The following MAF variants were observed in gnomAD, a reference collection of about 807,000 sequenced individuals.
MAF encodes MAF bZIP transcription factor.
A neutral mutation model predicts 22.0 loss-of-function variants in MAF; 10 were observed. That is an observed-to-expected ratio of 0.45 (90% CI 0.28 to 0.77). MAF has a LOEUF of 0.77. Among genes scored for constraint, MAF ranks in the 30% least tolerant of loss-of-function variants. MAF has a pLI of 0.12. For missense variants in MAF, 544 were observed against 548.4 expected, an observed-to-expected ratio of 0.99 and a Z score of 0.08; for synonymous variants, 337 against 255.8, an observed-to-expected ratio of 1.32 and a Z score of -3.03.
chr16:79,406,519 G>A, the MAF span, among the ~76,000 whole-genome samples: 1 of 152,106 alleles, frequency 6.6e-6, no homozygotes, highest in Non-Finnish European at 1.5e-5. Flanking sequence ...GTTCTCACAG[G>A]GTGGAAGGAG....
At chr16:79,470,607 G>C in the MAF span, among the ~76,000 whole-genome samples, 1 of 152,190 alleles carries the variant, frequency 6.6e-6, no homozygotes, top group Admixed American at 6.5e-5. Context: ...AGTTCTCATA[G>C]CAACCCAGTG....
chr16:79,414,485 G>A, the MAF span, among the ~76,000 whole-genome samples: 1 of 152,182 alleles, frequency 6.6e-6, no homozygotes, highest in Non-Finnish European at 1.5e-5. Context: ...AGGGCACAAA[G>A]CCATTCATGA....
chr16:79,529,088 A>G, the MAF span, among the ~76,000 whole-genome samples: 1 of 152,190 alleles, frequency 6.6e-6, no homozygotes, highest in East Asian at 1.9e-4. Context: ...TCCCACCTGA[A>G]CATAAAACTA....
the MAF span, among the ~76,000 whole-genome samples, chr16:79,442,412 C>T: frequency 1.3e-5 from 2 of 152,106 alleles, no homozygotes; most frequent in Non-Finnish European, 2.9e-5. Context: ...CCCTCTGTTG[C>T]CCAGGCTGGA....
At chr16:79,263,262 G>A in the MAF span, among the ~76,000 whole-genome samples, 9 of 152,258 alleles carry the variant, frequency 5.9e-5, no homozygotes, top group Middle Eastern at 6.8e-3. Context: ...ACTTTCTCAC[G>A]TTAGTCTTCA....
At chr16:79,228,578 T>G in the MAF span, among the ~76,000 whole-genome samples, 1 of 152,062 alleles carries the variant, frequency 6.6e-6, no homozygotes, top group Non-Finnish European at 1.5e-5. Context: ...CCTGCCGGTG[T>G]TTCCTCACTG....
At chr16:79,210,291 C>T in the MAF span, among the ~76,000 whole-genome samples, 6 of 152,186 alleles carry the variant, frequency 3.9e-5, no homozygotes, top group Non-Finnish European at 8.8e-5. Flanking sequence ...TTCTTCACGT[C>T]GTAACACCTT....
At chr16:79,471,620 T>C in the MAF span, among the ~76,000 whole-genome samples, 2 of 152,152 alleles carry the variant, frequency 1.3e-5, no homozygotes, top group Admixed American at 1.3e-4. Flanking sequence ...GAGGTTGCAG[T>C]GAGCTGAGAT....
downstream of MAF, among the ~76,000 whole-genome samples, chr16:79,584,182 G>C (rs77935057): frequency 6.6e-6 from 1 of 152,056 alleles, no homozygotes; most frequent in Admixed American, 6.6e-5. Context: ...CTAGAAAATT[G>C]TCAGAAATAA....
At chr16:79,256,525 T>G in the MAF span, among the ~76,000 whole-genome samples, 1 of 152,240 alleles carries the variant, frequency 6.6e-6, no homozygotes, top group South Asian at 2.1e-4. Flanking sequence ...GCCAAAAAAT[T>G]CAGGTGACCA....
the MAF span, among the ~76,000 whole-genome samples, chr16:79,552,711 G>C: frequency 6.6e-6 from 1 of 152,170 alleles, no homozygotes; most frequent in Non-Finnish European, 1.5e-5. Context: ...TTGCTGGGCA[G>C]CTGGTTCTGG....
the MAF span, among the ~76,000 whole-genome samples, chr16:79,260,232 C>T: frequency 1.3e-5 from 2 of 152,168 alleles, no homozygotes; most frequent in Admixed American, 1.3e-4. Flanking sequence ...CTTACTGAAG[C>T]CTCAAACTCC....
chr16:79,585,774 C>G, downstream of MAF: 3 of 575,096 alleles, frequency 5.2e-6, no homozygotes, highest in Admixed American at 7.0e-5. Context: ...AAAAAGTTAG[C>G]AGCATTCCTT....
the MAF span, among the ~76,000 whole-genome samples, chr16:79,416,041 G>T: frequency 6.6e-6 from 1 of 152,106 alleles, no homozygotes; most frequent in African/African-American, 2.4e-5. Flanking sequence ...TTGCGCCCGA[G>T]CACAGCACCT....
the MAF span, among the ~76,000 whole-genome samples, chr16:79,227,930 G>T: frequency 2.6e-5 from 4 of 151,982 alleles, no homozygotes; most frequent in Non-Finnish European, 4.4e-5. Context: ...TTGAGACAGG[G>T]TCTTTCTCTG....
chr16:79,556,662 C>G, the MAF span, among the ~76,000 whole-genome samples: 2 of 152,206 alleles, frequency 1.3e-5, no homozygotes, highest in African/African-American at 4.8e-5. Flanking sequence ...ATGTCTCTCT[C>G]TTATTCTTCA....
the MAF span, among the ~76,000 whole-genome samples, chr16:79,522,794 T>A: frequency 2.0e-5 from 3 of 152,182 alleles, no homozygotes; most frequent in East Asian, 5.8e-4. Flanking sequence ...TCACGAATGT[T>A]TTAAGGATTA....
chr16:79,323,688 C>T, the MAF span, among the ~76,000 whole-genome samples: 1 of 152,194 alleles, frequency 6.6e-6, no homozygotes, highest in Admixed American at 6.5e-5. Context: ...GACCTCTCCA[C>T]AGTCTGTGCC....
chr16:79,279,065 T>C, the MAF span, among the ~76,000 whole-genome samples: 4 of 152,188 alleles, frequency 2.6e-5, no homozygotes, highest in Admixed American at 1.3e-4. Context: ...TATTTTATCA[T>C]TCAATTCTCA....
Sources: gnomAD v4.1 joint callset for allele counts (sites outside exome capture counted in the v4.1 genomes callset) on GRCh38, gnomAD v4.1.1 for gene constraint, MANE v1.5 for transcripts, NCBI Gene and HGNC (gene_info 2026-07-23, HGNC 2026-07-21) for gene names.